KMO: variants seen among roughly 807,000 people sequenced by gnomAD.
KMO encodes the protein kynurenine 3-hydroxylase.
In KMO, 24 loss-of-function variants were observed where a neutral mutation model predicts 57.8. The observed-to-expected ratio is 0.42, with a 90% CI of 0.30 to 0.58. KMO has a LOEUF of 0.58. Ranked by LOEUF, KMO falls within the 20% of genes least tolerant of loss-of-function variation. The probability of loss-of-function intolerance (pLI) is 0.22; values close to 1 mark genes in which losing one functional copy is unlikely to be tolerated. For missense variants in KMO, 483 were observed against 588.2 expected, an observed-to-expected ratio of 0.82 and a Z score of 1.85; for synonymous variants, 210 against 193.6, an observed-to-expected ratio of 1.08 and a Z score of -0.70.
chr1:241,590,361 G>A, intron 14 of KMO, 98 bp downstream of exon 14: 3 of 979,028 alleles, frequency 3.1e-6, no homozygotes, highest in Admixed American at 3.7e-5. Context: ...GAAATAATGG[G>A]ACAGACACCA....
At chr1:241,576,450 C>T (rs1043683180) in intron 10 of KMO, among the ~76,000 whole-genome samples, 2 of 152,054 alleles carry the variant, frequency 1.3e-5, no homozygotes, top group African/African-American at 4.8e-5. Context: ...TTGTAAGGCT[C>T]ATTAGGTAGT....
rs1352446399 is a variant in KMO, at chr1:241,551,228, C to T, written c.312+184C>T. ...CAGAGGAGATGCTCAAAACAAGCCC[C>T]AGCCCAGAATAAACATTCAGGAAGA... On this transcript the variant is annotated intron_variant, in intron 4 of 14. Coordinates refer to ENST00000366559, the MANE Select transcript of KMO (RefSeq NM_003679.5). 1.3e-5 allele frequency among the ~76,000 whole-genome samples: 2 copies of T among 152,310 alleles called. 1 individual carries two copies.
At chr1:241,585,774 A>C (rs971807558) in intron 10 of KMO, among the ~76,000 whole-genome samples, 1 of 151,716 alleles carries the variant, frequency 6.6e-6, no homozygotes, top group African/African-American at 2.4e-5. Context: ...AAAAGAACAA[A>C]AAAAAAAACC....
chr1:241,540,595 G>A (rs952186992), intron 1 of KMO, among the ~76,000 whole-genome samples: 1 of 152,160 alleles, frequency 6.6e-6, no homozygotes, highest in Non-Finnish European at 1.5e-5. Flanking sequence ...GATGGTGCAA[G>A]AGAATAGTGC....
At position 241,586,683 on chromosome 1, in the gene KMO, T is replaced by TA; in HGVS notation, c.962_963insA (p.Phe321LeufsTer2). 1 of 1,598,228 alleles carries TA rather than the reference T, an allele frequency of 6.3e-7. No individual in the cohort carries two copies. Among genetic ancestry groups the TA allele is most frequent in the East Asian group, 2.2e-5 (1 of 44,744 alleles). On this transcript the variant is annotated frameshift_variant, in exon 11 of 15. Transcript: ENST00000366559. LOFTEE classifies it high-confidence loss of function. ...TCTTTTTTTTTCTTGTTTCAGGGCT[T>TA]TGAAGACTGCTTGGTATTTGATGAG...
chr1:241,557,883 T>C (rs1661699924), intron 5 of KMO, among the ~76,000 whole-genome samples: 1 of 152,228 alleles, frequency 6.6e-6, no homozygotes, highest in African/African-American at 2.4e-5. Context: ...ACAGCAGACC[T>C]ATGACACTGT....
At chr1:241,582,307 T>G (rs1486030225) in intron 10 of KMO, among the ~76,000 whole-genome samples, 3 of 152,204 alleles carry the variant, frequency 2.0e-5, no homozygotes, top group Non-Finnish European at 4.4e-5. Context: ...ATTCATATCT[T>G]TCTCTAGGTT....
chr1:241,551,054 C>T lies in KMO; in HGVS notation c.312+10C>T, dbSNP rs755859071. 6 of 1,433,590 alleles carry T rather than the reference C, an allele frequency of 4.2e-6. No homozygotes were observed. Among genetic ancestry groups the T allele is most frequent in the Non-Finnish European group, 5.8e-6 (6 of 1,039,348 alleles). The allele number at this position is 1,433,590 out of a possible 1,614,324, so 88.8% of individuals were successfully genotyped here. A position where few individuals can be genotyped will look rare whatever the true frequency, so the allele number is the denominator to read the frequency against. ...TGGGACAAAGTCTCAGGTAGGTTTA[C>T]CCCGGAGATCATTGTGCATTGATTA... On this transcript the variant is annotated intron_variant, in intron 4 of 14. Coordinates refer to ENST00000366559, the MANE Select transcript of KMO (RefSeq NM_003679.5).
chr1:241,548,227 T>G (rs1230113044), intron 1 of KMO, among the ~76,000 whole-genome samples: 1 of 152,088 alleles, frequency 6.6e-6, no homozygotes, highest in African/African-American at 2.4e-5. Flanking sequence ...GCCCAGGAGT[T>G]TGAGACCAGA....
intron 2 of KMO, among the ~76,000 whole-genome samples, 188 bp from the exon 3 acceptor site, chr1:241,549,488 TA>T (rs373760527): frequency 2.9e-3 from 439 of 151,576 alleles, no homozygotes; most frequent in African/African-American, 9.5e-3. Flanking sequence ...TAGTTTTGTT[TA>T]AAAAAAAACA....
rs1377174442 is a variant in KMO at position 241,592,093 on chromosome 1, A to G, written c.1401A>G (p.Thr467=). The G allele has an allele frequency of 3.1e-6, 5 of 1,613,962 alleles. No homozygotes were observed. In the East Asian group the frequency reaches 8.9e-5, roughly 29 times the overall value. ...WNWIAHFRNT[T]CFPAKAVDSL... Reference sequence around the variant, plus strand: ...GGATAGCTCACTTCCGGAATACAACATGTTTCCCCGCAAAGGCCGTGGACT... The same window carrying G: ...GGATAGCTCACTTCCGGAATACAACGTGTTTCCCCGCAAAGGCCGTGGACT... The change falls in exon 15 of 15, where the codon ACA becomes ACG. Residue 467 remains threonine, a synonymous_variant. Coordinates refer to ENST00000366559, the MANE Select transcript of KMO (RefSeq NM_003679.5).
At chr1:241,557,494 GGA>G (rs1304990311) in intron 5 of KMO, among the ~76,000 whole-genome samples, 1 of 152,200 alleles carries the variant, frequency 6.6e-6, no homozygotes, top group African/African-American at 2.4e-5. Context: ...GATTCAACTG[GGA>G]GGAGGAGGCC....
intron 10 of KMO, among the ~76,000 whole-genome samples, chr1:241,569,838 A>G (rs1264456637): frequency 6.6e-6 from 1 of 152,096 alleles, no homozygotes; most frequent in Admixed American, 6.5e-5. Context: ...TTTCAGATCA[A>G]AGCCATTATA....
chr1:241,561,896 A>G (rs145236088), intron 6 of KMO, among the ~76,000 whole-genome samples: 2,035 of 152,292 alleles, frequency 0.013, 58 homozygotes, highest in African/African-American at 0.047. Flanking sequence ...CTCCTCCTTC[A>G]TGCAGAAATC....
At chr1:241,543,180 G>T (rs1023004827) in intron 1 of KMO, among the ~76,000 whole-genome samples, 4 of 152,104 alleles carry the variant, frequency 2.6e-5, no homozygotes, top group African/African-American at 7.2e-5. Context: ...GTGACAGAGT[G>T]CCAGTGACTT....
chr1:241,571,995 T>TCCC (rs1662301877), intron 10 of KMO, among the ~76,000 whole-genome samples: 1 of 150,926 alleles, frequency 6.6e-6, no homozygotes, highest in Non-Finnish European at 1.5e-5. Context: ...GCCTCCCCAG[T>TCCC]AGCTGGGACT....
rs11556464 is a variant in KMO, at chr1:241,548,834, C to T, written c.60C>T (p.Gly20=). The change falls in exon 2 of 15, where the codon GGC becomes GGT. Residue 20 remains glycine (G), a synonymous_variant. Coordinates refer to ENST00000366559, the MANE Select transcript of KMO (RefSeq NM_003679.5). ...KVAVIGGGLV[G]SLQACFLAKR... is the part of the protein sequence containing the mutation. ...AATTTTTTTTTAATTTCTAGGTTGG[C>T]TCATTACAAGCATGCTTTCTTGCAA... The T allele has an allele frequency of 0.34, 526,938 of 1,564,760 alleles. 91,344 individuals are homozygous for T. Among genetic ancestry groups the T allele is most frequent in the African/African-American group, 0.49 (36,119 of 73,544 alleles).
Position 241,562,268 on chromosome 1 carries a change from A to G in KMO, c.551A>G (p.Asp184Gly), listed in dbSNP as rs759022348. Residue 184 changes from aspartate to glycine, a missense_variant, in exon 7 of 15, where the codon GAT becomes GGT. Asp to Gly is a moderately conservative substitution (Grantham distance 94). Around this residue, in one of 3 missense-constraint regions of KMO, gnomAD observed 410 missense variants for 492.3 expected, o/e 0.83. Transcript: ENST00000366559. ...RSHLMKKPRF[D>G]YSQQYIPHGY... Reference sequence around the variant, plus strand: ...CACCTGATGAAGAAACCTCGCTTTGATTACAGTCAGCAGTACATTCCTCAT... The same window carrying G: ...CACCTGATGAAGAAACCTCGCTTTGGTTACAGTCAGCAGTACATTCCTCAT... 3.1e-6 allele frequency: 5 copies of G among 1,614,198 alleles called. No individual in the cohort carries two copies. In the South Asian group the frequency reaches 4.4e-5, roughly 14 times the overall value.
At chr1:241,573,332 G>A (rs562957136) in intron 10 of KMO, among the ~76,000 whole-genome samples, 1 of 152,158 alleles carries the variant, frequency 6.6e-6, no homozygotes, top group East Asian at 1.9e-4. Flanking sequence ...AGGAGTCTTA[G>A]CCATGAATTC....
Sources: allele counts gnomAD v4.1 joint callset (sites outside exome capture counted in the v4.1 genomes callset), GRCh38; gene constraint gnomAD v4.1.1; regional missense constraint gnomAD v4.1.1; transcripts MANE v1.5; gene names NCBI Gene and HGNC (gene_info 2026-07-23, HGNC 2026-07-21).